ASS1: variants seen among roughly 807,000 people sequenced by gnomAD.
ASS1 encodes the protein argininosuccinate synthase 1.
ASS1 carries 58 observed loss-of-function variants against 60.5 expected under a neutral mutation model. The ratio of observed to expected loss-of-function variants is 0.96; its 90% CI spans 0.78 to 1.19. The LOEUF is 1.19. Among genes scored for constraint, ASS1 ranks in the 50% most tolerant of loss-of-function variants. The pLI, the probability that ASS1 is intolerant of heterozygous loss-of-function variation, is 0.00. For synonymous variants in ASS1, 200 were observed against 206.9 expected (o/e 0.97, Z 0.29); for missense variants, 454 against 547.3 (o/e 0.83, Z 1.70).
intron 8 of ASS1, among the ~76,000 whole-genome samples, chr9:130,474,656 G>A (rs1845972319): frequency 6.6e-6 from 1 of 152,230 alleles, no homozygotes; most frequent in Non-Finnish European, 1.5e-5. Context: ...TGTGCCCAGG[G>A]AATGCTGCAG....
At chr9:130,458,113 T>C (rs759096037) in intron 3 of ASS1, among the ~76,000 whole-genome samples, 1 of 148,106 alleles carries the variant, frequency 6.8e-6, no homozygotes, top group Non-Finnish European at 1.5e-5. Flanking sequence ...GAGTTGAGAC[T>C]GAGCCACTGC....
rs773713440 is a variant in ASS1 at position 130,470,912 on chromosome 9, C to T, written c.566+8C>T. ...GAACCTCATGCACATCAGGTAAATC[C>T]CACCCTCCACCCATCCTTGGTCCTC... On this transcript the variant is annotated splice_region_variant and intron_variant, in intron 7 of 14. Coordinates refer to ENST00000352480, the MANE Select transcript of ASS1 (RefSeq NM_054012.4). This position sits in a 1 kb window ranked among gnomAD's most constrained non-coding sequence, Gnocchi z 4.3. 2 of 1,613,718 alleles carry T rather than the reference C, an allele frequency of 1.2e-6. No individual in the cohort carries two copies. Among genetic ancestry groups the T allele is most frequent in the Non-Finnish European group, 1.7e-6 (2 of 1,179,710 alleles).
Position 130,478,468 on chromosome 9 carries a change from G to A in ASS1, c.689-1248G>A, listed in dbSNP as rs927620307. The stretch of plus-strand genomic sequence containing the variant: ...CCGCAGGCTGAGCTGGAGAAGAAAC[G>A]TGACCTATTGTCATGATTTGGGGAC... On this transcript the variant is annotated intron_variant, in intron 9 of 14. Coordinates refer to ENST00000352480, the MANE Select transcript of ASS1 (RefSeq NM_054012.4). The surrounding 1 kb of genome is among the most constrained non-coding windows in gnomAD (Gnocchi z 4.7). 6.6e-5 allele frequency among the ~76,000 whole-genome samples: 10 copies of A among 152,194 alleles called. No individual in the cohort carries two copies. Among genetic ancestry groups the A allele is most frequent in the African/African-American group, 1.4e-4 (6 of 41,446 alleles).
At chr9:130,454,529 T>C (rs1845394561) in intron 3 of ASS1, among the ~76,000 whole-genome samples, 156 bp downstream of exon 3, 1 of 152,118 alleles carries the variant, frequency 6.6e-6, no homozygotes, top group South Asian at 2.1e-4. Context: ...TGAACCCTCT[T>C]GTTTTTCTGC....
At position 130,489,183 on chromosome 9, in the gene ASS1, C is replaced by T; in HGVS notation, c.839-150C>T. 9.5e-7 allele frequency: 1 copy of T among 1,057,658 alleles called. No individual in the cohort carries two copies. The highest frequency in any genetic ancestry group is 2.3e-5 in the Admixed American group (1 of 44,360). 65.5% of individuals were successfully genotyped at this position (1,057,658 alleles called of 1,614,324 possible). ...ACATAATGACAGATGCATTTTGCAG[C>T]AAGCTGGGAGTGAATGGGTCCGGCC... is the stretch of plus-strand genomic sequence containing the variant. On this transcript the variant is annotated intron_variant, in intron 11 of 14. Transcript: ENST00000352480. The surrounding 1 kb of genome is among the most constrained non-coding windows in gnomAD (Gnocchi z 4.1).
At chr9:130,466,134 C>G (rs1010827584) in intron 5 of ASS1, among the ~76,000 whole-genome samples, 14 of 152,206 alleles carry the variant, frequency 9.2e-5, no homozygotes, top group African/African-American at 3.4e-4. Flanking sequence ...CCGAGTCCTG[C>G]TCAGAGGCAG....
At chr9:130,463,668 G>A (rs1421523089) in intron 4 of ASS1, among the ~76,000 whole-genome samples, 5 of 152,202 alleles carry the variant, frequency 3.3e-5, no homozygotes, top group Non-Finnish European at 5.9e-5. Context: ...GAGGTGACAG[G>A]GTTCCCAAAT....
In ASS1 at chr9:130,494,908, A is replaced by G. The variant is rs769634647; in HGVS notation, c.1012A>G (p.Ile338Val). 1.2e-6 allele frequency: 2 copies of G among 1,613,480 alleles called. No homozygotes were observed. The highest frequency in any genetic ancestry group is 1.7e-5 in the Admixed American group (1 of 60,012). The change falls in exon 13 of 15, where the codon ATC (isoleucine) becomes GTC (valine). Residue 338 changes from isoleucine to valine, a missense_variant. Ile to Val is a conservative substitution (Grantham distance 29). Transcript: ENST00000352480. The surrounding 1 kb of genome is among the most constrained non-coding windows in gnomAD (Gnocchi z 4.3). ...TGAGTGTGAATTTGTCCGCCACTGC[A>G]TCGCCAAGTCCCAGGAGCGAGTGGA... The part of the protein sequence containing the change: ...SPECEFVRHC[I>V]AKSQERVEGK...
intron 1 of ASS1, among the ~76,000 whole-genome samples, chr9:130,446,149 G>A (rs541124567): frequency 7.2e-5 from 11 of 152,280 alleles, no homozygotes; most frequent in African/African-American, 2.2e-4. Context: ...CACCCAAAGT[G>A]CCTGGCCCCC....
At chr9:130,490,705 G>A (rs565316247) in intron 12 of ASS1, among the ~76,000 whole-genome samples, 55 of 152,294 alleles carry the variant, frequency 3.6e-4, no homozygotes, top group African/African-American at 1.2e-3. Flanking sequence ...TGCCGGGCAC[G>A]GTGGCTCATG....
At chr9:130,458,357 CCT>C (rs1845496366) in intron 3 of ASS1, 42 bp from the exon 4 acceptor site, 2 of 1,611,270 alleles carry the variant, frequency 1.2e-6, no homozygotes, top group Non-Finnish European at 1.7e-6. Flanking sequence ...CCAGATGGCC[CCT>C]GTCCTTGCCT....
chr9:130,482,518 T>C (rs542641308), intron 11 of ASS1, among the ~76,000 whole-genome samples: 14 of 151,898 alleles, frequency 9.2e-5, no homozygotes, highest in Middle Eastern at 6.8e-3. Context: ...GAAAGTGTAT[T>C]GCCTTCCCTA....
intron 1 of ASS1, chr9:130,451,721 A>C: frequency 2.5e-6 from 1 of 402,694 alleles, no homozygotes; most frequent in Admixed American, 2.7e-5. Flanking sequence ...GACAACTCCT[A>C]CTTCATGAGG....
chr9:130,466,500 A>G, intron 5 of ASS1: 1 of 602,072 alleles, frequency 1.7e-6, no homozygotes, highest in Non-Finnish European at 3.0e-6. Context: ...ACACACCACC[A>G]TTCTGCCATG....
Position 130,471,506 on chromosome 9 carries a change from G to A in ASS1, c.588G>A (p.Glu196=). The A allele has an allele frequency of 6.2e-7, 1 of 1,614,100 alleles. No homozygotes were observed. The highest frequency in any genetic ancestry group is 8.5e-7 in the Non-Finnish European group (1 of 1,179,984). Residue 196 remains glutamate, a synonymous_variant, in exon 8 of 15, where the codon GAG becomes GAA. Coordinates refer to ENST00000352480, the MANE Select transcript of ASS1 (RefSeq NM_054012.4). ...GCAGCTACGAGGCTGGAATCCTGGA[G>A]AACCCCAAGGTAATCCCCCAAACCC... ...MHISYEAGIL[E]NPKNQAPPGL...
At chr9:130,495,163 C>G in intron 13 of ASS1, 140 bp downstream of exon 13, 1 of 1,213,558 alleles carries the variant, frequency 8.2e-7, no homozygotes, top group Non-Finnish European at 1.2e-6. Flanking sequence ...ATATAGACAC[C>G]ACTATGCTCC....
intron 14 of ASS1, among the ~76,000 whole-genome samples, chr9:130,500,748 C>G (rs1588514170): frequency 6.6e-6 from 1 of 152,272 alleles, no homozygotes; most frequent in African/African-American, 2.4e-5. Context: ...AACGCTTTGT[C>G]TTCAACAATG....
Position 130,477,007 on chromosome 9 carries a change from C to G in ASS1, c.688+46C>G. The G allele has an allele frequency of 6.4e-7, 1 of 1,572,052 alleles. No individual in the cohort carries two copies. The highest frequency in any genetic ancestry group is 8.8e-7 in the Non-Finnish European group (1 of 1,142,114). On this transcript the variant is annotated intron_variant, in intron 9 of 14. Transcript: ENST00000352480. This position sits in a 1 kb window ranked among gnomAD's most constrained non-coding sequence, Gnocchi z 4.2. Reference sequence around the variant, plus strand: ...ACTCGAAGGGGGTTGACTTTTGGGGCCCTGGCTCCTTTCCCCTCCCTGCCT... The same window carrying G: ...ACTCGAAGGGGGTTGACTTTTGGGGGCCTGGCTCCTTTCCCCTCCCTGCCT...
intron 6 of ASS1, 128 bp downstream of exon 6, chr9:130,466,927 T>A (rs1308680281): frequency 9.2e-7 from 1 of 1,088,874 alleles, no homozygotes; most frequent in East Asian, 2.6e-5. Context: ...GGGATTGAAC[T>A]TCCACCCCAG....
Sources: gnomAD v4.1 joint callset for allele counts (sites outside exome capture counted in the v4.1 genomes callset) on GRCh38, gnomAD v4.1.1 for gene constraint, Gnocchi (gnomAD v3.1) non-coding constraint, MANE v1.5 for transcripts, NCBI Gene and HGNC (gene_info 2026-07-23, HGNC 2026-07-21) for gene names.